Variants in EMX2 observed in about 807,000 individuals in gnomAD.
EMX2 encodes empty spiracles homeobox 2.
In EMX2, 6 loss-of-function variants were observed where a neutral mutation model predicts 23.0. That is an observed-to-expected ratio of 0.26 (90% CI 0.14 to 0.52). The LOEUF is 0.52. Among genes scored for constraint, EMX2 ranks in the 20% least tolerant of loss-of-function variants. The pLI is 0.97. For missense variants in EMX2, 302 were observed against 341.4 expected, an observed-to-expected ratio of 0.88 and a Z score of 0.91; for synonymous variants, 175 against 153.3, an observed-to-expected ratio of 1.14 and a Z score of -1.04.
chr10:117,543,691 G>A lies in EMX2; in HGVS notation c.406+18G>A, dbSNP rs774967972. The stretch of plus-strand genomic sequence containing the variant: ...CTTCCAAGGTACGTGCCACGTCGCG[G>A]AACTGCAGCGCGCCGCTCCCGCCGC... On this transcript the variant is annotated intron_variant, in intron 1 of 2. Coordinates refer to ENST00000553456, the MANE Select transcript of EMX2 (RefSeq NM_004098.4). 180 of 1,612,888 alleles carry A rather than the reference G, an allele frequency of 1.1e-4. No individual in the cohort carries two copies. Among genetic ancestry groups the A allele is most frequent in the Non-Finnish European group, 1.5e-4 (175 of 1,179,714 alleles).
At position 117,542,830 on chromosome 10, in the gene EMX2, C is replaced by CT. The variant is rs534695537; in HGVS notation, c.-424dup. The CT allele has an allele frequency of 0.66, 60,273 of 90,678 alleles. 21,276 individuals are homozygous for CT. Among genetic ancestry groups the CT allele is most frequent in the Middle Eastern group, 0.73 (96 of 132 alleles). The allele number at this position is 90,678 out of a possible 1,614,324, so 5.6% of individuals were successfully genotyped here. A position where few individuals can be genotyped will look rare whatever the true frequency, so the allele number is the denominator to read the frequency against. On this transcript the variant is annotated 5_prime_UTR_variant, in exon 1 of 3. Transcript: ENST00000553456. ...CCCGCCTTTTGCAGAGGAGAAAAAA[C>CT]TTTTTTTTTTTTTTGCCTCCCCCGA...
At chr10:117,543,785 C>A (rs1186002608) in intron 1 of EMX2, 112 bp downstream of exon 1, 13 of 1,516,614 alleles carry the variant, frequency 8.6e-6, no homozygotes, top group Non-Finnish European at 1.1e-5. Flanking sequence ...TCCTCCGGCT[C>A]GCGGGCCAGC....
rs1208399039 is a variant in EMX2 at position 117,545,828 on chromosome 10, C to T, written c.591+12C>T. ...TCACGGAAACTCAGGTGACTGCGGCCCGGGCGCGAGGAACCCATCTAGGCG... is the reference window on the plus strand; with the variant it reads ...TCACGGAAACTCAGGTGACTGCGGCTCGGGCGCGAGGAACCCATCTAGGCG... On this transcript the variant is annotated intron_variant, in intron 2 of 2. Transcript: ENST00000553456. 1 of 1,613,510 alleles carries T rather than the reference C, an allele frequency of 6.2e-7. No homozygotes were observed. The highest frequency in any genetic ancestry group is 1.3e-5 in the African/African-American group (1 of 74,924).
Position 117,543,147 on chromosome 10 carries a change from C to CCTCG in EMX2, c.-120_-119insTCGC. The CCTCG allele has an allele frequency of 4.5e-6, 1 of 223,378 alleles. No individual in the cohort carries two copies. Among genetic ancestry groups the CCTCG allele is most frequent in the Non-Finnish European group, 7.7e-6 (1 of 129,918 alleles). 13.8% of individuals were successfully genotyped at this position (223,378 alleles called of 1,614,324 possible). A position where few individuals can be genotyped will look rare whatever the true frequency, so the allele number is the denominator to read the frequency against. On this transcript the variant is annotated 5_prime_UTR_variant, in exon 1 of 3. Transcript: ENST00000553456. ...CCTTTCCTTCCCCCCACCCCCACCCCCACCCCAAACAAACGAGTCCCCAAT... is the reference window on the plus strand; with the variant it reads ...CCTTTCCTTCCCCCCACCCCCACCCCCTCGCACCCCAAACAAACGAGTCCCCAAT...
At chr10:117,543,820 C>A in intron 1 of EMX2, 147 bp downstream of exon 1, 1 of 1,299,770 alleles carries the variant, frequency 7.7e-7, no homozygotes. Context: ...AACTAGGCGG[C>A]GCGGGGCCGG....
At chr10:117,545,516 C>A (rs887572225) in intron 1 of EMX2, 116 bp from the exon 2 acceptor site, 4 of 1,287,602 alleles carry the variant, frequency 3.1e-6, no homozygotes, top group Non-Finnish European at 4.3e-6. Flanking sequence ...GCAGGTCGAG[C>A]GGCGCGGCTA....
At chr10:117,546,038 C>A (rs536140696) in intron 2 of EMX2, among the ~76,000 whole-genome samples, 2 of 152,322 alleles carry the variant, frequency 1.3e-5, no homozygotes, top group African/African-American at 2.4e-5. Flanking sequence ...TCTGGGGAAA[C>A]GCGCCGAGTT....
At chr10:117,543,974 C>A (rs1205578875) in intron 1 of EMX2, among the ~76,000 whole-genome samples, 1 of 152,208 alleles carries the variant, frequency 6.6e-6, no homozygotes. Flanking sequence ...TGTGCGTGCC[C>A]GGCGCCGCGG....
In EMX2 at chr10:117,545,685, C is replaced by G; in HGVS notation, c.460C>G (p.Pro154Ala). Residue 154 changes from proline to alanine, a missense_variant, in exon 2 of 3, where the codon CCC becomes GCC. This residue lies in a region of EMX2 where 37 missense variants were observed against 69.1 expected (regional missense o/e 0.54). Transcript: ENST00000553456. ...TTTGCACAACGCGCTGGCCCGAAAG[C>G]CCAAGCGGATCCGAACCGCCTTCTC... ...FLLHNALARK[P>A]KRIRTAFSPS... 2 of 1,614,146 alleles carry G rather than the reference C, an allele frequency of 1.2e-6. No homozygotes were observed. Among genetic ancestry groups the G allele is most frequent in the Non-Finnish European group, 1.7e-6 (2 of 1,180,036 alleles).
chr10:117,545,835 C>A lies in EMX2; in HGVS notation c.591+19C>A, dbSNP rs751992770. On this transcript the variant is annotated intron_variant, in intron 2 of 2. Coordinates refer to ENST00000553456, the MANE Select transcript of EMX2 (RefSeq NM_004098.4). Reference sequence around the variant, plus strand: ...AACTCAGGTGACTGCGGCCCGGGCGCGAGGAACCCATCTAGGCGTGCGCCC... The same window carrying A: ...AACTCAGGTGACTGCGGCCCGGGCGAGAGGAACCCATCTAGGCGTGCGCCC... 6 of 1,613,438 alleles carry A rather than the reference C, an allele frequency of 3.7e-6. No homozygotes were observed. The highest frequency in any genetic ancestry group is 5.1e-6 in the Non-Finnish European group (6 of 1,179,992).
rs996352481 is a variant in EMX2, at chr10:117,548,624, G to A, written c.*392G>A. On this transcript the variant is annotated 3_prime_UTR_variant, in exon 3 of 3. Coordinates refer to ENST00000553456, the MANE Select transcript of EMX2 (RefSeq NM_004098.4). ...GGAGCTGTCAATCAAACACCAAACC[G>A]GGGAGACAAGATGATTGGCAGGTAT... The A allele has an allele frequency of 8.5e-6, 4 of 471,788 alleles. No homozygotes were observed. Among genetic ancestry groups the A allele is most frequent in the Admixed American group, 7.6e-5 (2 of 26,438 alleles). 29.2% of individuals were successfully genotyped at this position (471,788 alleles called of 1,614,324 possible).
chr10:117,548,442 A>G lies in EMX2; in HGVS notation c.*210A>G, dbSNP rs1212765428. On this transcript the variant is annotated 3_prime_UTR_variant, in exon 3 of 3. Coordinates refer to ENST00000553456, the MANE Select transcript of EMX2 (RefSeq NM_004098.4). ...AACCGAGGCCGCGCCAAGATGGCAG[A>G]GGATGGAGGCTCCTTCATCAACAAG... The G allele has an allele frequency of 1.6e-5, 11 of 696,214 alleles. No homozygotes were observed. In the South Asian group the frequency reaches 2.1e-4, roughly 13 times the overall value. 43.1% of individuals were successfully genotyped at this position (696,214 alleles called of 1,614,324 possible).
At chr10:117,545,926 G>A (rs1318815349) in intron 2 of EMX2, 110 bp downstream of exon 2, 3 of 1,457,492 alleles carry the variant, frequency 2.1e-6, no homozygotes, top group African/African-American at 1.4e-5. Context: ...TTCCGCACAG[G>A]TCCTGGTAGC....
rs745614991 is a variant in EMX2, at chr10:117,543,221, C to T, written c.-47C>T. The T allele has an allele frequency of 7.1e-7, 1 of 1,409,018 alleles. No homozygotes were observed. The highest frequency in any genetic ancestry group is 9.3e-7 in the Non-Finnish European group (1 of 1,076,108). The allele number at this position is 1,409,018 out of a possible 1,614,324, so 87.3% of individuals were successfully genotyped here. A position where few individuals can be genotyped will look rare whatever the true frequency, so the allele number is the denominator to read the frequency against. The stretch of plus-strand genomic sequence containing the variant: ...AGCGGGCGGCGGAGGCAGCGTGCGG[C>T]GGTCGCCAGGAGCTGGGAGCCCAGG... On this transcript the variant is annotated 5_prime_UTR_variant, in exon 1 of 3. Coordinates refer to ENST00000553456, the MANE Select transcript of EMX2 (RefSeq NM_004098.4).
rs767166530 is a variant in EMX2 at position 117,544,054 on chromosome 10, G to A, written c.406+381G>A. Among the ~76,000 whole-genome samples, 21 of 152,200 alleles carry A rather than the reference G, an allele frequency of 1.4e-4. 1 individual carries two copies. Among genetic ancestry groups the A allele is most frequent in the Non-Finnish European group, 2.9e-5 (2 of 68,026 alleles). On this transcript the variant is annotated intron_variant, in intron 1 of 2. Coordinates refer to ENST00000553456, the MANE Select transcript of EMX2 (RefSeq NM_004098.4). ...ATGCCCCCAACCGTCCTGGCTCCGA[G>A]GGGCGCGGACAGGACTCGGCCGCCA...
At chr10:117,546,473 C>G (rs934359023) in intron 2 of EMX2, among the ~76,000 whole-genome samples, 6 of 152,158 alleles carry the variant, frequency 3.9e-5, no homozygotes, top group Non-Finnish European at 8.8e-5. Context: ...CTACTGTACA[C>G]GGAGCCGCAG....
intron 2 of EMX2, among the ~76,000 whole-genome samples, chr10:117,547,327 T>G (rs1846592108): frequency 6.6e-6 from 1 of 152,210 alleles, no homozygotes; most frequent in South Asian, 2.1e-4. Context: ...CTTCTCTTAG[T>G]TTCTCTTACT....
At position 117,543,454 on chromosome 10, in the gene EMX2, G is replaced by A. The variant is rs1292813562; in HGVS notation, c.187G>A (p.Val63Ile). Residue 63 changes from valine (V) to isoleucine (I), a missense_variant, in exon 1 of 3, where the codon GTC becomes ATC. By Grantham distance (29) the Val-to-Ile change is conservative. Transcript: ENST00000553456. Reference protein sequence around the residue: ...SAAAAAAGRGVYSNPDLVFAE... With the variant: ...SAAAAAAGRGIYSNPDLVFAE... ...CGCCGCCGCCGCCGCCGGTAGGGGC[G>A]TCTACTCCAACCCGGACTTGGTGTT... 9.9e-6 allele frequency: 16 copies of A among 1,608,144 alleles called. No homozygotes were observed. Among genetic ancestry groups the A allele is most frequent in the African/African-American group, 1.3e-5 (1 of 74,514 alleles).
intron 2 of EMX2, among the ~76,000 whole-genome samples, chr10:117,546,589 T>G (rs1846581875): frequency 6.6e-6 from 1 of 152,230 alleles, no homozygotes; most frequent in African/African-American, 2.4e-5. Flanking sequence ...TTTTAAAACA[T>G]GTTCCCCACC....
Sources: allele counts gnomAD v4.1 joint callset (sites outside exome capture counted in the v4.1 genomes callset), GRCh38; gene constraint gnomAD v4.1.1; regional missense constraint gnomAD v4.1.1; transcripts MANE v1.5; gene names NCBI Gene and HGNC (gene_info 2026-07-23, HGNC 2026-07-21).